RNF11: variants seen among roughly 807,000 people sequenced by gnomAD.
RNF11 encodes ring finger protein 11.
In RNF11, 4 loss-of-function variants were observed where a neutral mutation model predicts 15.8. That is an observed-to-expected ratio of 0.25 (90% CI 0.12 to 0.58). RNF11 has a LOEUF of 0.58. RNF11 is among the 20% of genes least tolerant of loss of function. The pLI is 0.91. For missense variants in RNF11, 139 were observed against 194.4 expected (o/e 0.71, Z 1.70); for synonymous variants, 68 against 72.3 (o/e 0.94, Z 0.30).
chr1:51,242,228 T>C (rs1277890476), intron 1 of RNF11, among the ~76,000 whole-genome samples: 2 of 145,930 alleles, frequency 1.4e-5, no homozygotes, highest in Non-Finnish European at 3.0e-5. Context: ...AAGGAAAGAA[T>C]TTATCAGATT....
At chr1:51,251,534 T>G (rs1646878444) in intron 1 of RNF11, 1 of 570,510 alleles carries the variant, frequency 1.8e-6, no homozygotes, top group South Asian at 2.3e-5. Flanking sequence ...GTGATTCTCA[T>G]TTTTTGAAAT....
chr1:51,261,672 C>G (rs1209928063), intron 1 of RNF11, among the ~76,000 whole-genome samples: 1 of 149,838 alleles, frequency 6.7e-6, no homozygotes, highest in African/African-American at 2.5e-5. Flanking sequence ...CCCACCACGC[C>G]CTGTCTGTGA....
intron 2 of RNF11, 101 bp from the exon 3 acceptor site, chr1:51,271,050 G>A (rs1646975686): frequency 1.0e-6 from 1 of 957,294 alleles, no homozygotes; most frequent in Non-Finnish European, 1.6e-6. Flanking sequence ...GCATTCTGAT[G>A]TGTTACTCAG....
chr1:51,246,742 A>G (rs1395869326), intron 1 of RNF11, among the ~76,000 whole-genome samples: 1 of 152,172 alleles, frequency 6.6e-6, no homozygotes, highest in Non-Finnish European at 1.5e-5. Flanking sequence ...TAGTGGGTAG[A>G]GTTTTCTGTT....
At chr1:51,242,877 A>C (rs1222645125) in intron 1 of RNF11, among the ~76,000 whole-genome samples, 1 of 152,188 alleles carries the variant, frequency 6.6e-6, no homozygotes, top group Non-Finnish European at 1.5e-5. Context: ...AAATATCTCC[A>C]AATTTATTTC....
chr1:51,236,967 T>G, intron 1 of RNF11, 88 bp downstream of exon 1: 1 of 1,490,888 alleles, frequency 6.7e-7, no homozygotes, highest in East Asian at 2.5e-5. Context: ...GCCCCTGGCT[T>G]CGGCAAGGCC....
chr1:51,259,278 GC>G (rs1646919261), intron 1 of RNF11, among the ~76,000 whole-genome samples: 1 of 152,132 alleles, frequency 6.6e-6, no homozygotes, highest in Non-Finnish European at 1.5e-5. Flanking sequence ...TGTCAGTATT[GC>G]CCAGGTTGAG....
At chr1:51,249,347 C>T (rs1646866790) in intron 1 of RNF11, among the ~76,000 whole-genome samples, 1 of 152,326 alleles carries the variant, frequency 6.6e-6, no homozygotes, top group Admixed American at 6.5e-5. Flanking sequence ...CTTCCTGCCT[C>T]AGCCTCCCAA....
chr1:51,251,247 A>T (rs1569664082), intron 1 of RNF11: 1 of 1,320,502 alleles, frequency 7.6e-7, no homozygotes, highest in East Asian at 2.3e-5. Context: ...GATCTCCTCC[A>T]GGGACTTGAT....
At chr1:51,255,385 G>C (rs527333044) in intron 1 of RNF11, among the ~76,000 whole-genome samples, 1 of 152,286 alleles carries the variant, frequency 6.6e-6, no homozygotes, top group South Asian at 2.1e-4. Context: ...TCAGCCTCCT[G>C]AGTAGCTGGG....
intron 1 of RNF11, among the ~76,000 whole-genome samples, chr1:51,245,430 AGT>A (rs770576240): frequency 3.5e-4 from 52 of 150,682 alleles, no homozygotes; most frequent in Admixed American, 2.3e-3. Flanking sequence ...TGAGATTACA[AGT>A]GTGAGCCACC....
chr1:51,250,466 A>C, intron 1 of RNF11: 1 of 452,414 alleles, frequency 2.2e-6, no homozygotes, highest in Non-Finnish European at 3.9e-6. Context: ...TTTGAACAAC[A>C]TAGAGTTGAA....
intron 1 of RNF11, among the ~76,000 whole-genome samples, chr1:51,238,302 A>T (rs180932440): frequency 1.1e-4 from 17 of 152,096 alleles, no homozygotes; most frequent in Admixed American, 1.1e-3. Flanking sequence ...TATCTATAAC[A>T]CTTTAGTGTT....
At chr1:51,237,651 G>C (rs34196647) in intron 1 of RNF11, among the ~76,000 whole-genome samples, 6,207 of 151,968 alleles carry the variant, frequency 0.041, 191 homozygotes, top group Non-Finnish European at 0.061. Flanking sequence ...ACTGCTTTTT[G>C]TACAATAATC....
At position 51,271,145 on chromosome 1, in the gene RNF11, C is replaced by T. The variant is rs1193748413; in HGVS notation, c.294-6C>T. 6.2e-7 allele frequency: 1 copy of T among 1,612,408 alleles called. No homozygotes were observed. The highest frequency in any genetic ancestry group is 8.5e-7 in the Non-Finnish European group (1 of 1,178,728). ...CCTTCTGATTTCTCTCCATTGCTCT[C>T]AACAGGTGTGTGATCTGTATGATGG... On this transcript the variant is annotated splice_polypyrimidine_tract_variant and splice_region_variant and intron_variant, in intron 2 of 2. Transcript: ENST00000242719.
Position 51,271,497 on chromosome 1 carries a change from G to A in RNF11, c.*175G>A, listed in dbSNP as rs1415076038. 2 of 539,106 alleles carry A rather than the reference G, an allele frequency of 3.7e-6. No individual in the cohort carries two copies. Among genetic ancestry groups the A allele is most frequent in the East Asian group, 2.9e-5 (1 of 34,508 alleles). 33.4% of individuals were successfully genotyped at this position (539,106 alleles called of 1,614,324 possible). On this transcript the variant is annotated 3_prime_UTR_variant, in exon 3 of 3. Transcript: ENST00000242719. ...AAGTACGTGATATTTTAGAAACTTAGTGGGAAAAGTAGGATGGTATTTTTA... is the reference window on the plus strand; with the variant it reads ...AAGTACGTGATATTTTAGAAACTTAATGGGAAAAGTAGGATGGTATTTTTA...
chr1:51,269,596 T>C (rs1202818107), intron 1 of RNF11, among the ~76,000 whole-genome samples: 3 of 152,224 alleles, frequency 2.0e-5, no homozygotes, highest in African/African-American at 4.8e-5. Context: ...AACTTTTAGA[T>C]TTATTTTTGC....
chr1:51,259,888 ACTTAT>A (rs1646922576), intron 1 of RNF11, among the ~76,000 whole-genome samples: 1 of 152,210 alleles, frequency 6.6e-6, no homozygotes, highest in African/African-American at 2.4e-5. Flanking sequence ...GAAACACTAA[ACTTAT>A]CGCATTCTCT....
intron 1 of RNF11, among the ~76,000 whole-genome samples, chr1:51,255,656 T>C (rs1450506985): frequency 6.6e-6 from 1 of 152,244 alleles, no homozygotes; most frequent in Non-Finnish European, 1.5e-5. Context: ...TTTTGGTATG[T>C]TCAAGGAGGG....
Sources: allele counts gnomAD v4.1 joint callset (sites outside exome capture counted in the v4.1 genomes callset), GRCh38; gene constraint gnomAD v4.1.1; transcripts MANE v1.5; gene names NCBI Gene and HGNC (gene_info 2026-07-23, HGNC 2026-07-21).